GPC5: variants seen among roughly 807,000 people sequenced by gnomAD.
GPC5 encodes the protein glypican-5.
A neutral mutation model predicts 53.9 loss-of-function variants in GPC5; 47 were observed. The observed-to-expected ratio is 0.87, with a 90% CI of 0.69 to 1.11. GPC5 has a LOEUF of 1.11. Ranked by LOEUF, GPC5 falls within the 50% of genes most tolerant of loss-of-function variation. GPC5 has a pLI of 0.00. For missense variants in GPC5, 748 were observed against 713.1 expected (o/e 1.05, Z -0.56); for synonymous variants, 286 against 263.3 (o/e 1.09, Z -0.84).
At chr13:91,511,889 G>A (rs1885249050) in intron 2 of GPC5, among the ~76,000 whole-genome samples, 1 of 151,766 alleles carries the variant, frequency 6.6e-6, no homozygotes, top group Admixed American at 6.6e-5. Flanking sequence ...TTTTTGTCAT[G>A]TCTCATAATT....
intron 7 of GPC5, among the ~76,000 whole-genome samples, chr13:92,817,115 A>C (rs1177311145): frequency 6.6e-6 from 1 of 151,962 alleles, no homozygotes; most frequent in Non-Finnish European, 1.5e-5. Context: ...CAATATAGAA[A>C]ATAAAAATAA....
intron 2 of GPC5, among the ~76,000 whole-genome samples, chr13:91,564,534 A>G (rs1159700111): frequency 1.3e-5 from 2 of 152,196 alleles, no homozygotes; most frequent in Admixed American, 6.5e-5. Flanking sequence ...CAATCCAAGA[A>G]AATAATTGGC....
chr13:92,493,618 A>G (rs555731861), intron 7 of GPC5, among the ~76,000 whole-genome samples: 111 of 152,330 alleles, frequency 7.3e-4, no homozygotes, highest in Non-Finnish European at 1.3e-3. Context: ...TCTTCAAGAT[A>G]TCTTGCCGTC....
chr13:92,444,241 A>T (rs1225643531), intron 7 of GPC5, among the ~76,000 whole-genome samples: 1 of 152,216 alleles, frequency 6.6e-6, no homozygotes, highest in Non-Finnish European at 1.5e-5. Flanking sequence ...TATTAGTTCA[A>T]TAGATGTATA....
At chr13:92,523,366 A>C (rs1484749737) in intron 7 of GPC5, among the ~76,000 whole-genome samples, 2 of 152,130 alleles carry the variant, frequency 1.3e-5, no homozygotes, top group Admixed American at 6.6e-5. Context: ...TAGTTACTTA[A>C]TCTATCCTTT....
intron 7 of GPC5, among the ~76,000 whole-genome samples, chr13:92,473,692 G>A (rs867271575): frequency 6.6e-6 from 1 of 152,224 alleles, no homozygotes; most frequent in African/African-American, 2.4e-5. Flanking sequence ...TATAGACACT[G>A]ATGGGATAGA....
chr13:92,670,689 T>G, intron 7 of GPC5, among the ~76,000 whole-genome samples: 1 of 152,180 alleles, frequency 6.6e-6, no homozygotes, highest in East Asian at 1.9e-4. Context: ...AGAATTTTTT[T>G]AAAGTCTGCC....
intron 6 of GPC5, among the ~76,000 whole-genome samples, chr13:92,027,002 T>C (rs2040806208): frequency 6.6e-6 from 1 of 152,214 alleles, no homozygotes; most frequent in Non-Finnish European, 1.5e-5. Flanking sequence ...TGCCACTATC[T>C]TCACAGCTGG....
chr13:92,402,748 TTAGAAGCTCTTGACAA>T (rs1325992054), intron 7 of GPC5, among the ~76,000 whole-genome samples: 1 of 152,214 alleles, frequency 6.6e-6, no homozygotes, highest in East Asian at 1.9e-4. Context: ...TAAAAGTCAG[TTAGAAGCTCTTGACAA>T]ATCTGTAAGA....
At chr13:91,902,235 T>C (rs576999082) in intron 5 of GPC5, among the ~76,000 whole-genome samples, 1 of 152,184 alleles carries the variant, frequency 6.6e-6, no homozygotes, top group South Asian at 2.1e-4. Context: ...TAGGGCATGG[T>C]ATCAGTTTCA....
At chr13:91,900,659 A>G (rs1423951447) in intron 5 of GPC5, among the ~76,000 whole-genome samples, 1 of 152,114 alleles carries the variant, frequency 6.6e-6, no homozygotes, top group East Asian at 1.9e-4. Context: ...ACTATAAAAA[A>G]CGTATTTATC....
chr13:91,980,826 C>T (rs2040350663), intron 6 of GPC5, among the ~76,000 whole-genome samples: 1 of 152,122 alleles, frequency 6.6e-6, no homozygotes, highest in African/African-American at 2.4e-5. Flanking sequence ...GTTAGTTCAC[C>T]TTTATGTAAG....
At chr13:91,925,741 G>A (rs181083101) in intron 6 of GPC5, among the ~76,000 whole-genome samples, 3 of 152,066 alleles carry the variant, frequency 2.0e-5, no homozygotes, top group Non-Finnish European at 2.9e-5. Context: ...AAACGAAAAA[G>A]CATCTCTATA....
intron 1 of GPC5, among the ~76,000 whole-genome samples, chr13:91,416,288 G>T (rs1281113795): frequency 6.6e-6 from 1 of 152,084 alleles, no homozygotes; most frequent in East Asian, 1.9e-4. Context: ...CGCAAACTGT[G>T]TGCTGCTGCA....
chr13:91,711,771 C>T (rs981479797), intron 3 of GPC5, among the ~76,000 whole-genome samples: 1 of 152,052 alleles, frequency 6.6e-6, no homozygotes, highest in Non-Finnish European at 1.5e-5. Context: ...TCATTACTTC[C>T]CAAAGTGGTC....
intron 5 of GPC5, among the ~76,000 whole-genome samples, chr13:91,792,524 T>C (rs528366): frequency 0.37 from 56,303 of 151,978 alleles, 12,005 homozygotes; most frequent in African/African-American, 0.59. Context: ...CCTTTCATTC[T>C]TAGACCCATG....
chr13:92,020,946 C>A (rs1214446131), intron 6 of GPC5, among the ~76,000 whole-genome samples: 1 of 152,024 alleles, frequency 6.6e-6, no homozygotes, highest in Non-Finnish European at 1.5e-5. Flanking sequence ...AGCAATTTTA[C>A]AGTTTTAGGT....
intron 5 of GPC5, among the ~76,000 whole-genome samples, chr13:91,840,948 A>C (rs1002047674): frequency 6.6e-6 from 1 of 152,040 alleles, no homozygotes; most frequent in African/African-American, 2.4e-5. Flanking sequence ...CTTTCATCTC[A>C]TAACTGTGGA....
intron 2 of GPC5, among the ~76,000 whole-genome samples, chr13:91,614,972 A>G (rs1017827192): frequency 1.3e-5 from 2 of 152,144 alleles, no homozygotes; most frequent in East Asian, 1.9e-4. Flanking sequence ...CATGTACTCA[A>G]TGAGCCATCC....
Sources: allele counts gnomAD v4.1 joint callset (sites outside exome capture counted in the v4.1 genomes callset), GRCh38; gene constraint gnomAD v4.1.1; transcripts MANE v1.5; gene names NCBI Gene and HGNC (gene_info 2026-07-23, HGNC 2026-07-21).